The following TTC23 variants were observed in gnomAD, a reference collection of about 807,000 sequenced individuals.
TTC23 encodes tetratricopeptide repeat protein 23.
A neutral mutation model predicts 55.1 loss-of-function variants in TTC23; 58 were observed. The observed-to-expected ratio is 1.05, with a 90% CI of 0.85 to 1.31. The LOEUF is 1.31. Ranked by LOEUF, TTC23 falls within the 50% of genes most tolerant of loss-of-function variation. TTC23 has a pLI of 0.00. For missense variants in TTC23, 516 were observed against 534.4 expected, an observed-to-expected ratio of 0.97 and a Z score of 0.34; for synonymous variants, 203 against 199.9, an observed-to-expected ratio of 1.02 and a Z score of -0.13.
chr15:99,148,386 A>AAAAAAAAAAAC (rs2069243426), intron 12 of TTC23: 1 of 146,456 alleles, frequency 6.8e-6, no homozygotes, highest in Non-Finnish European at 1.5e-5. Context: ...AAAAAAAAAA[A>AAAAAAAAAAAC]AGACCTTCTT....
rs1297316852 is a variant in TTC23, at chr15:99,228,717, T to C, written c.-5A>G. 5.1e-6 allele frequency: 8 copies of C among 1,579,468 alleles called. No individual in the cohort carries two copies. Among genetic ancestry groups the C allele is most frequent in the Non-Finnish European group, 6.9e-6 (8 of 1,162,720 alleles). On this transcript the variant is annotated 5_prime_UTR_variant, in exon 5 of 14. Coordinates refer to ENST00000394132, the MANE Select transcript of TTC23 (RefSeq NM_001288615.3). ...GGTTTCCTGTGATTCTTGCATATTT[T>C]TATATACATTGTCTTCTAATTTTAA...
chr15:99,147,419 G>A (rs2069069461), intron 12 of TTC23, among the ~76,000 whole-genome samples: 1 of 151,902 alleles, frequency 6.6e-6, no homozygotes, highest in Admixed American at 6.6e-5. Context: ...TAGAGATGGA[G>A]TTTCACTTTG....
intron 8 of TTC23, among the ~76,000 whole-genome samples, chr15:99,202,768 A>G (rs2076301296): frequency 6.6e-6 from 1 of 152,216 alleles, no homozygotes; most frequent in Admixed American, 6.5e-5. Flanking sequence ...AGGCAGGAGA[A>G]TCAGTTGTAA....
intron 1 of TTC23, among the ~76,000 whole-genome samples, chr15:99,246,671 A>G (rs58371295): frequency 0.024 from 3,683 of 152,192 alleles, 159 homozygotes; most frequent in African/African-American, 0.083. Context: ...CTGTAATCCC[A>G]GCACTTTGGG....
intron 12 of TTC23, among the ~76,000 whole-genome samples, chr15:99,152,328 AC>A (rs1275070997): frequency 6.6e-6 from 1 of 150,832 alleles, no homozygotes; most frequent in African/African-American, 2.4e-5. Context: ...ATCCAATTAA[AC>A]CTCTTTTCTT....
intron 9 of TTC23, among the ~76,000 whole-genome samples, chr15:99,180,006 G>A (rs1168462315): frequency 6.6e-6 from 1 of 152,184 alleles, no homozygotes; most frequent in Non-Finnish European, 1.5e-5. Flanking sequence ...ATGCATCTGA[G>A]AGCATTTAAG....
intron 9 of TTC23, among the ~76,000 whole-genome samples, chr15:99,196,078 G>A (rs1005557140): frequency 2.0e-5 from 3 of 151,604 alleles, no homozygotes; most frequent in Non-Finnish European, 4.4e-5. Context: ...CTTGAACCCA[G>A]GAGGCGAAGG....
At chr15:99,168,236 G>T (rs2072418001) in intron 10 of TTC23, among the ~76,000 whole-genome samples, 1 of 152,180 alleles carries the variant, frequency 6.6e-6, no homozygotes, top group Non-Finnish European at 1.5e-5. Context: ...GGACAGGTGT[G>T]CATCCATAAA....
chr15:99,194,688 C>A (rs956103169), intron 9 of TTC23, among the ~76,000 whole-genome samples: 2 of 152,054 alleles, frequency 1.3e-5, no homozygotes, highest in South Asian at 2.1e-4. Context: ...ATAATCCCAG[C>A]ACTTTGGGAG....
chr15:99,170,875 T>G (rs1051637203), intron 10 of TTC23, among the ~76,000 whole-genome samples: 1 of 152,232 alleles, frequency 6.6e-6, no homozygotes, highest in Non-Finnish European at 1.5e-5. Flanking sequence ...TCCCCACACG[T>G]GCAACACGTG....
At chr15:99,229,730 A>T (rs1379822694) in intron 4 of TTC23, among the ~76,000 whole-genome samples, 1 of 152,282 alleles carries the variant, frequency 6.6e-6, no homozygotes, top group Non-Finnish European at 1.5e-5. Context: ...TACAGGGAAC[A>T]GTGTTTTGTG....
At chr15:99,195,111 C>T (rs1441325439) in intron 9 of TTC23, among the ~76,000 whole-genome samples, 2 of 152,110 alleles carry the variant, frequency 1.3e-5, no homozygotes, top group Non-Finnish European at 2.9e-5. Flanking sequence ...AATTTCTGCT[C>T]TGCAAAAGAC....
intron 12 of TTC23, 123 bp downstream of exon 12, chr15:99,156,025 T>C (rs915522099): frequency 7.5e-7 from 1 of 1,338,642 alleles, no homozygotes; most frequent in Non-Finnish European, 1.0e-6. Flanking sequence ...AAAAGTGATG[T>C]CATCCTATCT....
chr15:99,206,846 G>A (rs1374661294), intron 8 of TTC23, among the ~76,000 whole-genome samples: 1 of 151,876 alleles, frequency 6.6e-6, no homozygotes, highest in East Asian at 1.9e-4. Flanking sequence ...ATCCGAATTT[G>A]AGGTTTAGTT....
chr15:99,153,274 A>G (rs954299485), intron 12 of TTC23, among the ~76,000 whole-genome samples: 4 of 152,240 alleles, frequency 2.6e-5, no homozygotes, highest in Non-Finnish European at 5.9e-5. Context: ...GAACTCACAA[A>G]GACAAGGTTC....
intron 12 of TTC23, among the ~76,000 whole-genome samples, chr15:99,153,412 C>G (rs1555497912): frequency 6.6e-6 from 1 of 152,130 alleles, no homozygotes; most frequent in Non-Finnish European, 1.5e-5. Context: ...AAAGAGGTGT[C>G]ACACGTGTTA....
At chr15:99,204,244 G>A (rs970550953) in intron 8 of TTC23, among the ~76,000 whole-genome samples, 1 of 152,130 alleles carries the variant, frequency 6.6e-6, no homozygotes, top group African/African-American at 2.4e-5. Flanking sequence ...CATCAGTGAT[G>A]TTGAGTATTT....
intron 8 of TTC23, among the ~76,000 whole-genome samples, chr15:99,212,260 ATGTGTGTGTGTGTG>A (rs35709919): frequency 9.5e-5 from 14 of 146,616 alleles, no homozygotes; most frequent in South Asian, 2.2e-4. Context: ...TTAAAGAGGG[ATGTGTGTGTGTGTG>A]TGTGTGTGTG....
rs73463340 is a variant in TTC23 at position 99,191,301 on chromosome 15, T to C, written c.759+8618A>G. Reference sequence around the variant, plus strand: ...ATGAACTCTCATGATATGCTAGTACTCTGTGGAACACAGTGTGGGGAATGC... The same window carrying C: ...ATGAACTCTCATGATATGCTAGTACCCTGTGGAACACAGTGTGGGGAATGC... On this transcript the variant is annotated intron_variant, in intron 9 of 13. Coordinates refer to ENST00000394132, the MANE Select transcript of TTC23 (RefSeq NM_001288615.3). Among the ~76,000 whole-genome samples the C allele has an allele frequency of 9.8e-3, 1,494 of 152,378 alleles. 35 individuals are homozygous for C. Among genetic ancestry groups the C allele is most frequent in the African/African-American group, 0.034 (1,417 of 41,592 alleles).
Sources: allele counts gnomAD v4.1 joint callset (sites outside exome capture counted in the v4.1 genomes callset), GRCh38; gene constraint gnomAD v4.1.1; transcripts MANE v1.5; gene names NCBI Gene and HGNC (gene_info 2026-07-23, HGNC 2026-07-21).